The following TSHZ3 variants were observed in gnomAD, a reference collection of about 807,000 sequenced individuals.
TSHZ3 encodes the protein teashirt zinc finger homeobox 3, also known as teashirt homolog 3.
In TSHZ3, 10 loss-of-function variants were observed where a neutral mutation model predicts 64.5. That is an observed-to-expected ratio of 0.16 (90% CI 0.10 to 0.26). The LOEUF (loss-of-function observed/expected upper bound fraction) is 0.26. Among genes scored for constraint, TSHZ3 ranks in the 10% least tolerant of loss-of-function variants. The pLI is 1.00. For synonymous variants in TSHZ3, 608 were observed against 593.1 expected, an observed-to-expected ratio of 1.03 and a Z score of -0.36; for missense variants, 1,242 against 1,421.7, an observed-to-expected ratio of 0.87 and a Z score of 2.03.
intron 3 of TSHZ3, among the ~76,000 whole-genome samples, chr19:31,239,258 G>A (rs1975659750): frequency 6.6e-6 from 1 of 151,920 alleles, no homozygotes; most frequent in African/African-American, 2.4e-5. Flanking sequence ...TCACTCTACA[G>A]TGTTATTATT....
upstream of TSHZ3, chr19:31,349,579 A>T: frequency 1.3e-5 from 1 of 75,968 alleles, no homozygotes; most frequent in Non-Finnish European, 2.6e-5. Context: ...CCAGAGGAGG[A>T]GGGGGCGGGG....
chr19:31,257,993 G>C (rs1293725601), intron 1 of TSHZ3, among the ~76,000 whole-genome samples: 1 of 152,146 alleles, frequency 6.6e-6, no homozygotes, highest in East Asian at 1.9e-4. Flanking sequence ...GACAGGGAGG[G>C]GACTGAGTGA....
rs191059367 is a variant in TSHZ3 at position 31,216,432 on chromosome 19, G to A, written n.687-11354C>T. Among the ~76,000 whole-genome samples the A allele has an allele frequency of 5.1e-4, 77 of 151,420 alleles. No homozygotes were observed. The East Asian group carries it at 0.014, about 27-fold the overall frequency. The stretch of plus-strand genomic sequence containing the variant: ...GGATGAGAGTCACCTGAGATCATCA[G>A]AAAGGCTTTCCCAGGAGGCAGCTTT... On this transcript the variant is annotated intron_variant and non_coding_transcript_variant, in intron 4 of 6. Coordinates refer to the TSHZ3 transcript ENST00000651361.
chr19:31,167,101 G>A (rs998402981), intron 5 of TSHZ3, among the ~76,000 whole-genome samples: 2 of 152,096 alleles, frequency 1.3e-5, no homozygotes, highest in Non-Finnish European at 2.9e-5. Context: ...CACGCAGTAG[G>A]GCTTTTTGAG....
At chr19:31,249,131 C>A (rs1412298438) in intron 1 of TSHZ3, among the ~76,000 whole-genome samples, 2 of 151,832 alleles carry the variant, frequency 1.3e-5, no homozygotes, top group Non-Finnish European at 2.9e-5. Context: ...AGAGTAAGCA[C>A]AGAGTGGGTG....
At chr19:31,165,820 ACT>A (rs1491409008) in intron 5 of TSHZ3, among the ~76,000 whole-genome samples, 1 of 152,206 alleles carries the variant, frequency 6.6e-6, no homozygotes, top group Non-Finnish European at 1.5e-5. Flanking sequence ...GAGACAATAT[ACT>A]TTTTATTTGT....
chr19:31,279,432 C>T lies in TSHZ3; in HGVS notation c.361G>A (p.Val121Met), dbSNP rs759624341. 4.5e-5 allele frequency: 72 copies of T among 1,614,068 alleles called. No homozygotes were observed. The highest frequency in any genetic ancestry group is 5.7e-5 in the Non-Finnish European group (67 of 1,180,044). Reference sequence around the variant, plus strand: ...GAGTTGGAGAGGAAGTTGTTGTACACGGCCTTCATCTGCTCCAGGCTATCC... The same window carrying T: ...GAGTTGGAGAGGAAGTTGTTGTACATGGCCTTCATCTGCTCCAGGCTATCC... The part of the protein sequence containing the change: ...VSDSLEQMKA[V>M]YNNFLSNSYW... Residue 121 changes from valine to methionine, a missense_variant, in exon 2 of 2, where the codon GTG becomes ATG. By Grantham distance (21) the Val-to-Met change is conservative. Transcript: ENST00000240587. This position sits in a 1 kb window ranked among gnomAD's most constrained non-coding sequence, Gnocchi z 6.4.
chr19:31,276,527 C>T lies in TSHZ3; in HGVS notation c.*20G>A. ...GTTTCCCTCAAAGCAAACTGCAGTC[C>T]TTTCTATCAAAAGCAAATGCTACTG... On this transcript the variant is annotated 3_prime_UTR_variant, in exon 2 of 2. Transcript: ENST00000240587. 1.3e-6 allele frequency: 2 copies of T among 1,528,120 alleles called. No individual in the cohort carries two copies. Among genetic ancestry groups the T allele is most frequent in the South Asian group, 2.6e-5 (2 of 76,582 alleles). 94.7% of individuals were successfully genotyped at this position (1,528,120 alleles called of 1,614,324 possible). A position where few individuals can be genotyped will look rare whatever the true frequency, so the allele number is the denominator to read the frequency against.
intron 1 of TSHZ3, among the ~76,000 whole-genome samples, chr19:31,338,291 C>T (rs979107572): frequency 6.6e-6 from 1 of 152,156 alleles, no homozygotes; most frequent in Non-Finnish European, 1.5e-5. Flanking sequence ...GGGTGCAAAC[C>T]CAGAAGCGAT....
chr19:31,168,473 T>C (rs1292529876), intron 5 of TSHZ3, among the ~76,000 whole-genome samples: 2 of 152,200 alleles, frequency 1.3e-5, no homozygotes, highest in Admixed American at 6.5e-5. Context: ...CCTTTCAAGA[T>C]TGCATTACTG....
At chr19:31,171,433 A>G (rs981398095) in intron 5 of TSHZ3, among the ~76,000 whole-genome samples, 1 of 152,112 alleles carries the variant, frequency 6.6e-6, no homozygotes, top group Non-Finnish European at 1.5e-5. Context: ...CAGGGAAGAA[A>G]TGTAACTATG....
intron 5 of TSHZ3, among the ~76,000 whole-genome samples, chr19:31,181,884 T>C (rs910111205): frequency 6.6e-6 from 1 of 152,118 alleles, no homozygotes; most frequent in Non-Finnish European, 1.5e-5. Flanking sequence ...TGATGAGGAA[T>C]CCTGGGTCAA....
intron 1 of TSHZ3, among the ~76,000 whole-genome samples, chr19:31,296,900 C>G (rs1038901977): frequency 1.3e-5 from 2 of 152,206 alleles, no homozygotes; most frequent in Non-Finnish European, 2.9e-5. Flanking sequence ...CACCTTTGCT[C>G]TCTTCCGTGG....
chr19:31,198,250 A>ATAGTTT (rs1215889466), intron 5 of TSHZ3, among the ~76,000 whole-genome samples: 1 of 152,136 alleles, frequency 6.6e-6, no homozygotes, highest in Admixed American at 6.5e-5. Flanking sequence ...ATCTAACATC[A>ATAGTTT]CTTATGATAA....
chr19:31,210,671 G>T (rs1370561266), intron 4 of TSHZ3, among the ~76,000 whole-genome samples: 1 of 152,122 alleles, frequency 6.6e-6, no homozygotes, highest in African/African-American at 2.4e-5. Context: ...TGAAAAACCT[G>T]CACGATTTTC....
At chr19:31,238,070 G>T (rs999690105) in intron 3 of TSHZ3, among the ~76,000 whole-genome samples, 1 of 152,048 alleles carries the variant, frequency 6.6e-6, no homozygotes, top group African/African-American at 2.4e-5. Flanking sequence ...ATATTCTGCA[G>T]GTGTTTGTGG....
chr19:31,186,218 G>A (rs916766040), intron 5 of TSHZ3, among the ~76,000 whole-genome samples: 16 of 152,208 alleles, frequency 1.1e-4, no homozygotes, highest in African/African-American at 2.6e-4. Context: ...AGGGTAAAGA[G>A]TATATTTAAT....
At chr19:31,243,272 C>T (rs1245986510) in intron 1 of TSHZ3, among the ~76,000 whole-genome samples, 2 of 152,156 alleles carry the variant, frequency 1.3e-5, no homozygotes. Context: ...AGAACTACAA[C>T]CCCAAATTCC....
intron 1 of TSHZ3, among the ~76,000 whole-genome samples, chr19:31,321,546 C>G (rs551413501): frequency 6.6e-6 from 1 of 152,172 alleles, no homozygotes; most frequent in South Asian, 2.1e-4. Context: ...TGTCTGCATA[C>G]GGCAGACTCA....
Sources: allele counts gnomAD v4.1 joint callset (sites outside exome capture counted in the v4.1 genomes callset), GRCh38; gene constraint gnomAD v4.1.1; non-coding constraint Gnocchi (gnomAD v3.1); transcripts MANE v1.5; gene names NCBI Gene and HGNC (gene_info 2026-07-23, HGNC 2026-07-21).